MARCHF1: variants seen among roughly 807,000 people sequenced by gnomAD.
MARCHF1 encodes the protein E3 ubiquitin-protein ligase MARCHF1.
MARCHF1 carries 40 observed loss-of-function variants against 54.2 expected under a neutral mutation model. That is an observed-to-expected ratio of 0.74 (90% CI 0.57 to 0.96). The LOEUF (loss-of-function observed/expected upper bound fraction) is 0.96, where lower values mean the gene tolerates loss of function less well. Among genes scored for constraint, MARCHF1 ranks in the 40% least tolerant of loss-of-function variants. The pLI is 0.00. For missense variants in MARCHF1, 586 were observed against 656.5 expected (o/e 0.89, Z 1.17); for synonymous variants, 236 against 236.3 (o/e 1.00, Z 0.01).
chr4:163,882,318 C>T (rs1184782329), intron 3 of MARCHF1, among the ~76,000 whole-genome samples: 1 of 152,166 alleles, frequency 6.6e-6, no homozygotes, highest in East Asian at 1.9e-4. Flanking sequence ...GAAATTCTAA[C>T]TTACATTATG....
At chr4:163,555,390 A>G (rs569956808) in intron 8 of MARCHF1, among the ~76,000 whole-genome samples, 2 of 152,300 alleles carry the variant, frequency 1.3e-5, no homozygotes, top group African/African-American at 2.4e-5. Context: ...CAGAGTGAAT[A>G]TACTTTCACC....
At chr4:164,031,263 C>G (rs1054480390) in intron 2 of MARCHF1, among the ~76,000 whole-genome samples, 1 of 152,060 alleles carries the variant, frequency 6.6e-6, no homozygotes, top group Non-Finnish European at 1.5e-5. Flanking sequence ...TCTAGATTTT[C>G]TAGTTTATTT....
intron 3 of MARCHF1, among the ~76,000 whole-genome samples, chr4:163,874,860 C>G (rs1750257419): frequency 6.6e-6 from 1 of 152,144 alleles, no homozygotes; most frequent in Non-Finnish European, 1.5e-5. Flanking sequence ...ACTTTACTTA[C>G]TTGCCTTTGG....
At chr4:163,543,714 C>G (rs1433692240) in intron 9 of MARCHF1, among the ~76,000 whole-genome samples, 1 of 152,088 alleles carries the variant, frequency 6.6e-6, no homozygotes. Flanking sequence ...GCTATTCAGT[C>G]ACATGTCTTA....
At chr4:163,699,330 G>A (rs1396730284) in intron 5 of MARCHF1, among the ~76,000 whole-genome samples, 2 of 152,188 alleles carry the variant, frequency 1.3e-5, no homozygotes, top group Non-Finnish European at 2.9e-5. Flanking sequence ...GTCTCCCTAT[G>A]GAGGAATGGC....
At chr4:164,228,205 A>G (rs1732312220) in intron 1 of MARCHF1, among the ~76,000 whole-genome samples, 1 of 152,228 alleles carries the variant, frequency 6.6e-6, no homozygotes, top group African/African-American at 2.4e-5. Context: ...AAGATACTAC[A>G]AAGTTTCCAG....
chr4:164,067,099 G>A (rs560683074), intron 2 of MARCHF1, among the ~76,000 whole-genome samples: 22 of 151,930 alleles, frequency 1.4e-4, no homozygotes, highest in Non-Finnish European at 2.8e-4. Context: ...AAGAGGTTTT[G>A]GTATGTTGTG....
At chr4:164,364,749 C>A (rs1449740283) in intron 1 of MARCHF1, among the ~76,000 whole-genome samples, 1 of 151,026 alleles carries the variant, frequency 6.6e-6, no homozygotes, top group African/African-American at 2.4e-5. Flanking sequence ...TTTTATTCAC[C>A]ATTTGATGAA....
intron 1 of MARCHF1, among the ~76,000 whole-genome samples, chr4:164,203,387 C>T (rs1046600118): frequency 6.6e-6 from 1 of 151,980 alleles, no homozygotes; most frequent in African/African-American, 2.4e-5. Flanking sequence ...ATTGGTAAAT[C>T]GAAAATCTAA....
At chr4:164,226,941 A>T (rs1732275513) in intron 1 of MARCHF1, among the ~76,000 whole-genome samples, 1 of 152,162 alleles carries the variant, frequency 6.6e-6, no homozygotes. Flanking sequence ...GGATTAAACT[A>T]AAAGTAATTA....
At chr4:164,360,629 G>C (rs1276245808) in intron 1 of MARCHF1, among the ~76,000 whole-genome samples, 1 of 152,080 alleles carries the variant, frequency 6.6e-6, no homozygotes, top group Non-Finnish European at 1.5e-5. Context: ...CTACTGAGAT[G>C]GGGCTCCAAA....
chr4:163,856,244 A>G (rs555378626), intron 3 of MARCHF1, among the ~76,000 whole-genome samples: 5 of 152,358 alleles, frequency 3.3e-5, no homozygotes, highest in Non-Finnish European at 7.3e-5. Context: ...TTTCTATTGC[A>G]TATAACTGTC....
At chr4:163,606,973 GGCT>G (rs1741165300) in intron 7 of MARCHF1, among the ~76,000 whole-genome samples, 1 of 151,998 alleles carries the variant, frequency 6.6e-6, no homozygotes, top group Non-Finnish European at 1.5e-5. Context: ...TTTTCTGTTA[GGCT>G]GCTGCTGCTA....
At chr4:164,224,152 C>A (rs1732186495) in intron 1 of MARCHF1, among the ~76,000 whole-genome samples, 2 of 151,408 alleles carry the variant, frequency 1.3e-5, no homozygotes, top group African/African-American at 4.9e-5. Context: ...TCGTATTAGG[C>A]CGCATTCATA....
rs187031671 is a variant in MARCHF1, at chr4:164,377,136, C to T, written c.-323+6734G>A. ...GAATATGTTATCTGGAATATGTTACCTGCAACATACAAGTCACTCAAAAAT... is the reference window on the plus strand; with the variant it reads ...GAATATGTTATCTGGAATATGTTACTTGCAACATACAAGTCACTCAAAAAT... On this transcript the variant is annotated intron_variant, in intron 1 of 9. Coordinates refer to ENST00000514618, the MANE Select transcript of MARCHF1 (RefSeq NM_001394959.1). Among the ~76,000 whole-genome samples the T allele has an allele frequency of 5.2e-3, 791 of 151,972 alleles. 9 individuals are homozygous for T. The highest frequency in any genetic ancestry group is 0.016 in the African/African-American group (667 of 41,480).
chr4:163,610,907 T>C (rs1268685671), intron 7 of MARCHF1, among the ~76,000 whole-genome samples: 1 of 152,032 alleles, frequency 6.6e-6, no homozygotes, highest in African/African-American at 2.4e-5. Context: ...CCTCCTCTTG[T>C]TTCCTGCTAG....
At chr4:164,171,248 T>C (rs1014422125) in intron 1 of MARCHF1, among the ~76,000 whole-genome samples, 1 of 152,130 alleles carries the variant, frequency 6.6e-6, no homozygotes, top group African/African-American at 2.4e-5. Context: ...ACTGAAAAAC[T>C]TGTAAATTCC....
At chr4:164,115,220 A>T (rs377070431) in intron 1 of MARCHF1, among the ~76,000 whole-genome samples, 7 of 152,086 alleles carry the variant, frequency 4.6e-5, no homozygotes, top group South Asian at 2.1e-4. Context: ...ATAAACCATT[A>T]CTTAAGAATG....
intron 1 of MARCHF1, among the ~76,000 whole-genome samples, chr4:164,186,984 C>T (rs1405751683): frequency 1.3e-5 from 2 of 150,818 alleles, no homozygotes; most frequent in Non-Finnish European, 2.9e-5. Context: ...AGCAATATGA[C>T]TTGAGATGGT....
Sources: gnomAD v4.1 joint callset for allele counts (sites outside exome capture counted in the v4.1 genomes callset) on GRCh38, gnomAD v4.1.1 for gene constraint, MANE v1.5 for transcripts, NCBI Gene and HGNC (gene_info 2026-07-23, HGNC 2026-07-21) for gene names.